Variants in EPS8L2 observed in about 807,000 individuals in gnomAD.
EPS8L2 encodes EPS8 signaling adaptor L2, also known as epidermal growth factor receptor kinase substrate 8-like protein 2.
EPS8L2 carries 81 observed loss-of-function variants against 99.4 expected under a neutral mutation model. That is an observed-to-expected ratio of 0.82 (90% confidence interval 0.68 to 0.98). The LOEUF is 0.98. Among genes scored for constraint, EPS8L2 ranks in the 50% least tolerant of loss-of-function variants. EPS8L2 has a pLI of 0.00. For missense variants in EPS8L2, 1,155 were observed against 968.8 expected (o/e 1.19, Z -2.55); for synonymous variants, 509 against 407.3 (o/e 1.25, Z -3.01).
In EPS8L2 at chr11:720,586, T is replaced by C. The variant is rs1420726464; in HGVS notation, c.328-11T>C. On this transcript the variant is annotated splice_polypyrimidine_tract_variant and intron_variant, in intron 5 of 20. Transcript: ENST00000318562. ...CCGGGTGCGAGTCGTGTCCGCGCGA[T>C]GTACCCGCAGGAGGAGCTGGAAGAC... 1 of 1,596,308 alleles carries C rather than the reference T, an allele frequency of 6.3e-7. No homozygotes were observed. Among genetic ancestry groups the C allele is most frequent in the Non-Finnish European group, 8.5e-7 (1 of 1,173,302 alleles).
At chr11:726,210 G>T in intron 18 of EPS8L2, 40 bp downstream of exon 18, 1 of 1,582,392 alleles carries the variant, frequency 6.3e-7, no homozygotes, top group African/African-American at 1.3e-5. Flanking sequence ...CCGGGCCCAG[G>T]GCCACCTGGG....
At chr11:716,731 T>G (rs1388031834) in intron 4 of EPS8L2, among the ~76,000 whole-genome samples, 2 of 152,232 alleles carry the variant, frequency 1.3e-5, no homozygotes, top group African/African-American at 2.4e-5. Flanking sequence ...AATATGTTGC[T>G]TTGTTTCTAA....
chr11:718,630 G>T (rs1862077207), intron 4 of EPS8L2, among the ~76,000 whole-genome samples: 1 of 150,118 alleles, frequency 6.7e-6, no homozygotes, highest in Non-Finnish European at 1.5e-5. Context: ...GATGACAGGT[G>T]TGTACCACCA....
chr11:724,891 T>C lies in EPS8L2; in HGVS notation c.1560+62T>C, dbSNP rs142599922. ...CAGGGCAGGGCTTCAAGGGAGGGGC[T>C]ACCAGGGGAGGTGGGGAGCGGTCTA... is the stretch of plus-strand genomic sequence containing the variant. On this transcript the variant is annotated intron_variant, in intron 16 of 20. Transcript: ENST00000318562. This position sits in a 1 kb window ranked among gnomAD's most constrained non-coding sequence, Gnocchi z 5.5. The C allele has an allele frequency of 7.8e-5, 102 of 1,300,992 alleles. No homozygotes were observed. The highest frequency in any genetic ancestry group is 1.0e-4 in the Non-Finnish European group (90 of 903,394). 80.6% of individuals were successfully genotyped at this position (1,300,992 alleles called of 1,614,324 possible).
intron 4 of EPS8L2, among the ~76,000 whole-genome samples, chr11:715,106 A>AG (rs1861987098): frequency 6.6e-6 from 1 of 151,936 alleles, no homozygotes; most frequent in Admixed American, 6.6e-5. Context: ...GCCAGGTGGG[A>AG]TGGCGGGTGC....
chr11:714,576 G>T (rs1047029196), intron 4 of EPS8L2, among the ~76,000 whole-genome samples: 5 of 149,224 alleles, frequency 3.4e-5, no homozygotes, highest in South Asian at 2.2e-4. Flanking sequence ...AGGCTTTTGC[G>T]TTTAGGGCCA....
At position 726,156 on chromosome 11, in the gene EPS8L2, C is replaced by T. The variant is rs1385528498; in HGVS notation, c.1739C>T (p.Pro580Leu). ...SPTHKLPPSF[P>L]GNKDELMQHM... ...ACCCACAAGCTACCCCCAAGCTTCC[C>T]GGGGAACAAAGACGGTGAGAGCTGC... Residue 580 changes from proline (P) to leucine (L), a missense_variant, in exon 18 of 21, where the codon CCG becomes CTG. Coordinates refer to ENST00000318562, the MANE Select transcript of EPS8L2 (RefSeq NM_022772.4). 8.1e-6 allele frequency: 13 copies of T among 1,608,298 alleles called. No individual in the cohort carries two copies. Among genetic ancestry groups the T allele is most frequent in the African/African-American group, 5.4e-5 (4 of 74,592 alleles).
At chr11:711,844 G>A (rs1043224122) in intron 4 of EPS8L2, among the ~76,000 whole-genome samples, 17 of 151,810 alleles carry the variant, frequency 1.1e-4, no homozygotes, top group Admixed American at 4.6e-4. Flanking sequence ...TTAGCCAGGC[G>A]TCGTGGTGCA....
Position 724,786 on chromosome 11 carries a change from G to A in EPS8L2, c.1517G>A (p.Arg506Gln), listed in dbSNP as rs755156774. ...AAGATCCTGTATGACTTCACAGCCC[G>A]AAATGCCAACGAGCTATCGGTGCTC... ...YVKILYDFTA[R>Q]NANELSVLKD... The change falls in exon 16 of 21, where the codon CGA (arginine) becomes CAA (glutamine). Residue 506 changes from arginine (R) to glutamine (Q), a missense_variant. Arg to Gln is a conservative substitution (Grantham distance 43, BLOSUM62 1). Transcript: ENST00000318562. This position sits in a 1 kb window ranked among gnomAD's most constrained non-coding sequence, Gnocchi z 5.5. The A allele has an allele frequency of 9.9e-6, 16 of 1,613,502 alleles. No homozygotes were observed. The highest frequency in any genetic ancestry group is 4.5e-5 in the East Asian group (2 of 44,900).
chr11:726,810 C>T (rs1862343579), intron 20 of EPS8L2, 59 bp downstream of exon 20: 3 of 1,580,100 alleles, frequency 1.9e-6, no homozygotes, highest in Middle Eastern at 3.7e-4. Context: ...TCCTCTCCCC[C>T]GCCCGTTCCT....
chr11:722,549 G>C lies in EPS8L2; in HGVS notation c.1208G>C (p.Arg403Pro). ...ESLGESWMRP[R>P]SEWPREPQVP... is the part of the protein sequence containing the mutation. ...CTGGGAGAGAGCTGGATGCGGCCCC[G>C]GTAGGGCAGGGCAGAGCAGTGCCGG... Residue 403 changes from arginine to proline, a missense_variant and splice_region_variant, in exon 13 of 21, where the codon CGT becomes CCT. Physicochemically the swap from Arg to Pro is moderately radical, Grantham distance 103 (BLOSUM62 -2). Transcript: ENST00000318562. 1.2e-6 allele frequency: 2 copies of C among 1,612,748 alleles called. No homozygotes were observed. Among genetic ancestry groups the C allele is most frequent in the Non-Finnish European group, 1.7e-6 (2 of 1,179,824 alleles).
intron 4 of EPS8L2, among the ~76,000 whole-genome samples, chr11:713,912 C>T (rs12422161): frequency 0.31 from 46,503 of 151,864 alleles, 7,321 homozygotes; most frequent in Admixed American, 0.42. Context: ...CAACGCCTGA[C>T]CTCAAGTGAT....
In EPS8L2 at chr11:726,647, G is replaced by C. The variant is rs756300713; in HGVS notation, c.1963G>C (p.Gly655Arg). Residue 655 changes from glycine (G) to arginine (R), a missense_variant, in exon 20 of 21, where the codon GGG (glycine) becomes CGG (arginine). Gly to Arg is a moderately radical substitution (Grantham distance 125). Transcript: ENST00000318562. ...CGTGGAGAACCTGGGCATCCTGACCGGGCCGCAGCTCTTCTCCCTCAACAA... is the reference window on the plus strand; with the variant it reads ...CGTGGAGAACCTGGGCATCCTGACCCGGCCGCAGCTCTTCTCCCTCAACAA... ...RIVENLGILT[G>R]PQLFSLNKEE... is the part of the protein sequence containing the mutation. 8 of 1,557,072 alleles carry C rather than the reference G, an allele frequency of 5.1e-6. No homozygotes were observed. Among genetic ancestry groups the C allele is most frequent in the Admixed American group, 3.9e-5 (2 of 51,394 alleles).
At chr11:721,488 T>G in intron 9 of EPS8L2, 77 bp from the exon 10 acceptor site, 6 of 1,509,044 alleles carry the variant, frequency 4.0e-6, no homozygotes, top group Non-Finnish European at 5.3e-6. Context: ...CCTCCCATCA[T>G]CTGTGGGGCT....
rs1413596780 is a variant in EPS8L2, at chr11:726,146, C to T, written c.1729C>T (p.Pro577Ser). The part of the protein sequence containing the change: ...GPASPTHKLP[P>S]SFPGNKDELM... ...CGCCAGCCCGACCCACAAGCTACCC[C>T]CAAGCTTCCCGGGGAACAAAGACGG... The change falls in exon 18 of 21, where the codon CCA (proline) becomes TCA (serine). Residue 577 changes from proline (P) to serine (S), a missense_variant. By Grantham distance (74) the Pro-to-Ser change is moderately conservative. Transcript: ENST00000318562. The T allele has an allele frequency of 1.9e-6, 3 of 1,609,156 alleles. No homozygotes were observed. Among genetic ancestry groups the T allele is most frequent in the African/African-American group, 1.3e-5 (1 of 74,620 alleles).
At chr11:719,677 C>T (rs1054305064) in intron 4 of EPS8L2, among the ~76,000 whole-genome samples, 8 of 152,258 alleles carry the variant, frequency 5.3e-5, no homozygotes, top group East Asian at 1.9e-4. Context: ...TAGGGCAGGT[C>T]GGGATGGGGT....
intron 17 of EPS8L2, 76 bp from the exon 18 acceptor site, chr11:726,022 G>A (rs890409466): frequency 7.6e-7 from 1 of 1,310,018 alleles, no homozygotes; most frequent in Non-Finnish European, 1.1e-6. Flanking sequence ...GGGATTGGCG[G>A]GGTGGGGAGG....
chr11:706,861 G>A (rs565822850), intron 1 of EPS8L2: 76 of 153,146 alleles, frequency 5.0e-4, no homozygotes, highest in Non-Finnish European at 5.8e-4. Flanking sequence ...GGCTGGGACA[G>A]GGGCTGCAGA....
Position 724,651 on chromosome 11 carries a change from C to A in EPS8L2, c.1455-73C>A, listed in dbSNP as rs554648053. ...CAGTCGTGCACCTGGGAAGCTGCTGCCCCCCAGCCACTGCCCAGGTCTCAG... is the reference window on the plus strand; with the variant it reads ...CAGTCGTGCACCTGGGAAGCTGCTGACCCCCAGCCACTGCCCAGGTCTCAG... On this transcript the variant is annotated intron_variant, in intron 15 of 20. Coordinates refer to ENST00000318562, the MANE Select transcript of EPS8L2 (RefSeq NM_022772.4). The surrounding 1 kb of genome is among the most constrained non-coding windows in gnomAD (Gnocchi z 5.5). 4.8e-6 allele frequency: 5 copies of A among 1,037,950 alleles called. No individual in the cohort carries two copies. The African/African-American group carries it at 6.3e-5, about 13-fold the overall frequency. 64.3% of individuals were successfully genotyped at this position (1,037,950 alleles called of 1,614,324 possible). A position where few individuals can be genotyped will look rare whatever the true frequency, so the allele number is the denominator to read the frequency against.
Sources: allele counts gnomAD v4.1 joint callset (sites outside exome capture counted in the v4.1 genomes callset), GRCh38; gene constraint gnomAD v4.1.1; non-coding constraint Gnocchi (gnomAD v3.1); transcripts MANE v1.5; gene names NCBI Gene and HGNC (gene_info 2026-07-23, HGNC 2026-07-21).